RC3H2: variants seen among roughly 807,000 people sequenced by gnomAD.
RC3H2 encodes the protein ring finger and CCCH-type domains 2.
A neutral mutation model predicts 133.3 loss-of-function variants in RC3H2; 31 were observed. That is an observed-to-expected ratio of 0.23 (90% CI 0.17 to 0.31). RC3H2 has a LOEUF of 0.31. Among genes scored for constraint, RC3H2 ranks in the 10% least tolerant of loss-of-function variants. The probability of loss-of-function intolerance (pLI) is 1.00; values close to 1 mark genes in which losing one functional copy is unlikely to be tolerated. For synonymous variants in RC3H2, 517 were observed against 502.2 expected (o/e 1.03, Z -0.40); for missense variants, 1,175 against 1,437.2 (o/e 0.82, Z 2.95).
At chr9:122,899,672 A>T (rs962670587) in intron 1 of RC3H2, among the ~76,000 whole-genome samples, 3 of 152,204 alleles carry the variant, frequency 2.0e-5, no homozygotes, top group African/African-American at 7.2e-5. Flanking sequence ...TCACTCCCTA[A>T]AACTACTGAA....
At chr9:122,878,544 A>G (rs1178350798) in intron 8 of RC3H2, among the ~76,000 whole-genome samples, 2 of 152,036 alleles carry the variant, frequency 1.3e-5, no homozygotes, top group Admixed American at 6.6e-5. Flanking sequence ...TGCTGGGATT[A>G]TAGACATGAG....
chr9:122,867,120 C>T (rs1270189214), intron 9 of RC3H2, among the ~76,000 whole-genome samples: 5 of 129,618 alleles, frequency 3.9e-5, no homozygotes, highest in African/African-American at 1.5e-4. Flanking sequence ...GGAGACCCTC[C>T]GCCCGGCAAC....
intron 13 of RC3H2, among the ~76,000 whole-genome samples, 183 bp from the exon 14 acceptor site, chr9:122,856,061 T>C (rs1015128860): frequency 6.6e-6 from 1 of 152,220 alleles, no homozygotes; most frequent in South Asian, 2.1e-4. Flanking sequence ...GAAAATGGCA[T>C]GCTTTCCCTT....
chr9:122,885,146 T>G (rs1396770833), intron 4 of RC3H2, among the ~76,000 whole-genome samples: 1 of 152,200 alleles, frequency 6.6e-6, no homozygotes, highest in East Asian at 1.9e-4. Context: ...TATTGTTACA[T>G]AAGACAGTAT....
chr9:122,901,494 G>A (rs1334208369), intron 1 of RC3H2, among the ~76,000 whole-genome samples: 1 of 151,804 alleles, frequency 6.6e-6, no homozygotes, highest in African/African-American at 2.4e-5. Flanking sequence ...CCGTTAACGT[G>A]TGAAGTATAT....
intron 9 of RC3H2, among the ~76,000 whole-genome samples, chr9:122,867,722 T>C (rs1028495007): frequency 2.0e-5 from 2 of 102,442 alleles, no homozygotes; most frequent in African/African-American, 7.6e-5. Context: ...CGCGACCCCG[T>C]CTGGGAGGTG....
chr9:122,890,001 G>C lies in RC3H2; in HGVS notation c.583+311C>G, dbSNP rs564483921. On this transcript the variant is annotated intron_variant, in intron 4 of 20. Transcript: ENST00000357244. ...TACAAAAAATAGAAAAATTAGCCGG[G>C]TATGATGGCGTGTGCCTGTAGTCCC... Among the ~76,000 whole-genome samples, 3 of 152,188 alleles carry C rather than the reference G, an allele frequency of 2.0e-5. No individual in the cohort carries two copies. The East Asian group carries it at 5.8e-4, about 29-fold the overall frequency.
Position 122,853,964 on chromosome 9 carries a change from T to C in RC3H2, c.3105A>G (p.Leu1035=). ...TLNLLSKEIE[L]RNGELQSDYT... is the part of the protein sequence containing the mutation. The stretch of plus-strand genomic sequence containing the variant: ...TCAGTTTCTTTACCTCTCCATTTCT[T>C]AGTTCAATTTCCTTGCTTAAAAGGT... The change falls in exon 18 of 21, where the codon CTA becomes CTG. Residue 1035 remains leucine, a synonymous_variant. Coordinates refer to ENST00000357244, the MANE Select transcript of RC3H2 (RefSeq NM_001100588.3). 6.2e-7 allele frequency: 1 copy of C among 1,614,212 alleles called. No individual in the cohort carries two copies. The highest frequency in any genetic ancestry group is 1.3e-5 in the African/African-American group (1 of 75,058).
chr9:122,860,715 T>C (rs550112939), intron 10 of RC3H2, among the ~76,000 whole-genome samples: 2 of 151,798 alleles, frequency 1.3e-5, no homozygotes, highest in African/African-American at 4.8e-5. Context: ...TGCCTGGCCA[T>C]TACTCATTCT....
chr9:122,898,775 G>T (rs2793006), intron 1 of RC3H2, among the ~76,000 whole-genome samples: 145,370 of 149,124 alleles, frequency 0.97, 70,977 homozygotes, highest in East Asian at 1. Flanking sequence ...AGTTCCATAA[G>T]TTTAGTAAAG....
chr9:122,899,798 G>A (rs1268240156), intron 1 of RC3H2, among the ~76,000 whole-genome samples: 1 of 152,206 alleles, frequency 6.6e-6, no homozygotes, highest in African/African-American at 2.4e-5. Context: ...AACTTGAACT[G>A]ATTAAATATT....
chr9:122,898,717 C>A (rs1185412894), intron 1 of RC3H2, among the ~76,000 whole-genome samples: 1 of 147,572 alleles, frequency 6.8e-6, no homozygotes, highest in Non-Finnish European at 1.5e-5. Context: ...TCATCGCACT[C>A]CAGCCTGGAC....
chr9:122,856,885 ACAAGTGGCATCTAGCAAG>A (rs780570303), intron 13 of RC3H2, among the ~76,000 whole-genome samples: 13 of 152,340 alleles, frequency 8.5e-5, no homozygotes, highest in East Asian at 7.7e-4. Context: ...AAAAGAAAAT[ACAAGTGGCATCTAGCAAG>A]CAAGTGGCAT....
chr9:122,868,695 C>G (rs1830872235), intron 9 of RC3H2, among the ~76,000 whole-genome samples: 1 of 151,342 alleles, frequency 6.6e-6, no homozygotes, highest in African/African-American at 2.4e-5. Flanking sequence ...GTCCTATGAC[C>G]CTGCCAAATC....
Position 122,847,840 on chromosome 9 carries a change from T to C in RC3H2, c.*1787A>G, listed in dbSNP as rs968258366. 3.9e-5 allele frequency: 6 copies of C among 152,138 alleles called. No homozygotes were observed. The highest frequency in any genetic ancestry group is 1.4e-4 in the African/African-American group (6 of 41,438). 9.4% of individuals were successfully genotyped at this position (152,138 alleles called of 1,614,324 possible). A position where few individuals can be genotyped will look rare whatever the true frequency, so the allele number is the denominator to read the frequency against. On this transcript the variant is annotated 3_prime_UTR_variant, in exon 21 of 21. Coordinates refer to ENST00000357244, the MANE Select transcript of RC3H2 (RefSeq NM_001100588.3). ...GCTACAAACAAACATCTTCATACATTTGAGTATTAAATAAATGTGTAAGAT... is the reference window on the plus strand; with the variant it reads ...GCTACAAACAAACATCTTCATACATCTGAGTATTAAATAAATGTGTAAGAT...
chr9:122,894,111 T>C (rs1390360300), intron 2 of RC3H2, among the ~76,000 whole-genome samples: 1 of 151,810 alleles, frequency 6.6e-6, no homozygotes, highest in Non-Finnish European at 1.5e-5. Context: ...TACAAAAAAT[T>C]AGCCGGGCGT....
At chr9:122,863,964 C>CA (rs1366338109) in intron 10 of RC3H2, among the ~76,000 whole-genome samples, 1 of 152,128 alleles carries the variant, frequency 6.6e-6, no homozygotes, top group African/African-American at 2.4e-5. Flanking sequence ...CTTGAACGCC[C>CA]AACCTCAGGT....
intron 1 of RC3H2, among the ~76,000 whole-genome samples, chr9:122,902,239 AT>A (rs1401353480): frequency 6.6e-6 from 1 of 152,114 alleles, no homozygotes; most frequent in Admixed American, 6.5e-5. Flanking sequence ...CCAACTTTCT[AT>A]TTTAACAAGT....
chr9:122,890,551 G>A lies in RC3H2; in HGVS notation c.350-6C>T. The stretch of plus-strand genomic sequence containing the variant: ...CTGGTTCAAGCTAGCTACACCTTTA[G>A]GAAAAGGGAAACAAAGGGAGCTAAA... On this transcript the variant is annotated splice_polypyrimidine_tract_variant and splice_region_variant and intron_variant, in intron 3 of 20. Transcript: ENST00000357244. 3.2e-6 allele frequency: 5 copies of A among 1,580,634 alleles called. No individual in the cohort carries two copies. Among genetic ancestry groups the A allele is most frequent in the South Asian group, 2.3e-5 (2 of 87,340 alleles).
Sources: gnomAD v4.1 joint callset for allele counts (sites outside exome capture counted in the v4.1 genomes callset) on GRCh38, gnomAD v4.1.1 for gene constraint, MANE v1.5 for transcripts, NCBI Gene and HGNC (gene_info 2026-07-23, HGNC 2026-07-21) for gene names.